The following ATAD2 variants were observed in gnomAD, a reference collection of about 807,000 sequenced individuals.
The protein encoded by ATAD2 is ATPase family AAA domain-containing protein 2.
ATAD2 carries 62 observed loss-of-function variants against 168.9 expected under a neutral mutation model. The ratio of observed to expected loss-of-function variants is 0.37; its 90% confidence interval spans 0.30 to 0.45. ATAD2 has a LOEUF of 0.45. ATAD2 is among the 20% of genes least tolerant of loss of function. The pLI is 1.00. For missense variants in ATAD2, 1,419 were observed against 1,667.8 expected, an observed-to-expected ratio of 0.85 and a Z score of 2.60; for synonymous variants, 613 against 571.6, an observed-to-expected ratio of 1.07 and a Z score of -1.03.
intron 1 of ATAD2, among the ~76,000 whole-genome samples, chr8:123,408,286 C>T (rs1266565355): frequency 6.6e-6 from 1 of 152,204 alleles, no homozygotes; most frequent in Non-Finnish European, 1.5e-5. Flanking sequence ...AGGGCCCAGC[C>T]TCCTTCTGTG....
At chr8:123,379,761 G>A (rs1027274826) in intron 2 of ATAD2, among the ~76,000 whole-genome samples, 1 of 151,050 alleles carries the variant, frequency 6.6e-6, no homozygotes, top group Non-Finnish European at 1.5e-5. Context: ...GTAGAGATGG[G>A]GTTTCACCAT....
intron 1 of ATAD2, among the ~76,000 whole-genome samples, chr8:123,383,714 G>C (rs983447889): frequency 6.7e-6 from 1 of 150,180 alleles, no homozygotes; most frequent in Admixed American, 6.6e-5. Context: ...CGGAGGTTGC[G>C]GTGAGCCGGG....
chr8:123,337,593 G>C (rs754001739), intron 21 of ATAD2, 32 bp downstream of exon 21: 3 of 1,543,378 alleles, frequency 1.9e-6, no homozygotes, highest in Non-Finnish European at 2.6e-6. Context: ...TTATGGCCTA[G>C]AATACACTTG....
Position 123,396,341 on chromosome 8 carries a change from C to G in ATAD2, c.17G>C (p.Ser6Thr). 1.3e-6 allele frequency: 2 copies of G among 1,597,246 alleles called. No individual in the cohort carries two copies. The highest frequency in any genetic ancestry group is 1.7e-6 in the Non-Finnish European group (2 of 1,173,500). Residue 6 changes from serine (S) to threonine (T), a missense_variant, in exon 1 of 28, where the codon AGC (serine) becomes ACC (threonine). Transcript: ENST00000287394. MVVLRSSLELHNHSAA... is the reference protein window; with the variant it reads MVVLRTSLELHNHSAA... ...GGAGTGGTTGTGCAGCTCCAAGCTG[C>G]TGCGGAGAACCACCATCTTCTCTCC...
Position 123,359,319 on chromosome 8 carries a change from A to G in ATAD2, c.1284T>C (p.Val428=), listed in dbSNP as rs749938665. The change falls in exon 11 of 28, where the codon GTT becomes GTC. Residue 428 remains valine, a synonymous_variant. Transcript: ENST00000287394. The part of the protein sequence containing the change: ...QLDSSVRFDS[V]GGLSNHIAAL... ...CTGCTATATGATTAGACAGGCCACC[A>G]ACACTATCAAATCGTACCTGGTAAT... 4 of 1,607,688 alleles carry G rather than the reference A, an allele frequency of 2.5e-6. No individual in the cohort carries two copies. Among genetic ancestry groups the G allele is most frequent in the Non-Finnish European group, 3.4e-6 (4 of 1,177,352 alleles).
At chr8:123,329,025 T>C (rs1827695861) in intron 24 of ATAD2, among the ~76,000 whole-genome samples, 1 of 151,952 alleles carries the variant, frequency 6.6e-6, no homozygotes, top group Admixed American at 6.6e-5. Flanking sequence ...ATGGTCTCGA[T>C]CTCCTGACCT....
intron 2 of ATAD2, among the ~76,000 whole-genome samples, chr8:123,379,892 T>TA (rs1554646753): frequency 0.013 from 1,939 of 143,776 alleles, 16 homozygotes; most frequent in African/African-American, 0.021. Flanking sequence ...TTATTATTAT[T>TA]TTTTTTTTTT....
intron 24 of ATAD2, among the ~76,000 whole-genome samples, chr8:123,329,311 C>A (rs767408258): frequency 2.0e-5 from 3 of 152,088 alleles, no homozygotes; most frequent in Non-Finnish European, 4.4e-5. Flanking sequence ...TGGCTATACA[C>A]AAGCACAATC....
chr8:123,351,806 G>C (rs1281830801), intron 13 of ATAD2, among the ~76,000 whole-genome samples: 1 of 148,844 alleles, frequency 6.7e-6, no homozygotes, highest in Non-Finnish European at 1.5e-5. Flanking sequence ...GGAGTGCAGT[G>C]GCACGATCTC....
intron 1 of ATAD2, among the ~76,000 whole-genome samples, chr8:123,386,382 C>G (rs1321230480): frequency 6.6e-6 from 1 of 152,098 alleles, no homozygotes; most frequent in Non-Finnish European, 1.5e-5. Context: ...TGGATGAACT[C>G]TGAAGATATG....
At chr8:123,346,374 A>T in intron 17 of ATAD2, 102 bp from the exon 18 acceptor site, 1 of 1,177,060 alleles carries the variant, frequency 8.5e-7, no homozygotes, top group Non-Finnish European at 1.2e-6. Context: ...AGTCTTGCCA[A>T]TAAGGCCAAC....
Position 123,346,697 on chromosome 8 carries a change from G to A in ATAD2, c.2266C>T (p.Pro756Ser), listed in dbSNP as rs570342822. 6 of 1,596,348 alleles carry A rather than the reference G, an allele frequency of 3.8e-6. No individual in the cohort carries two copies. The Admixed American group carries it at 8.8e-5, about 23-fold the overall frequency. Reference sequence around the variant, plus strand: ...GAAAGTCCATTTTCATAAACTGATGGAACATCATCATCACTGTAAGCCAAG... The same window carrying A: ...GAAAGTCCATTTTCATAAACTGATGAAACATCATCATCACTGTAAGCCAAG... The part of the protein sequence containing the change: ...SDLAYSDDDV[P>S]SVYENGLSQK... Residue 756 changes from proline (P) to serine (S), a missense_variant, in exon 17 of 28, where the codon CCA (proline) becomes TCA (serine). Pro to Ser is a moderately conservative substitution (Grantham distance 74, BLOSUM62 -1). Around this residue, in one of 5 missense-constraint regions of ATAD2, gnomAD observed 545 missense variants for 724.9 expected, o/e 0.75. Coordinates refer to ENST00000287394, the MANE Select transcript of ATAD2 (RefSeq NM_014109.4).
intron 27 of ATAD2, among the ~76,000 whole-genome samples, chr8:123,322,307 T>C (rs538760830): frequency 1.3e-5 from 2 of 152,334 alleles, no homozygotes; most frequent in Admixed American, 1.3e-4. Flanking sequence ...TAAAAGAAGC[T>C]ATTATTCTTC....
intron 1 of ATAD2, among the ~76,000 whole-genome samples, chr8:123,389,197 C>A (rs1050444198): frequency 3.0e-5 from 4 of 135,452 alleles, no homozygotes; most frequent in Admixed American, 2.3e-4. Context: ...AGGATGGTCT[C>A]GATCTCCTGA....
At chr8:123,382,047 A>T (rs1829508264) in intron 1 of ATAD2, among the ~76,000 whole-genome samples, 1 of 152,064 alleles carries the variant, frequency 6.6e-6, no homozygotes, top group African/African-American at 2.4e-5. Flanking sequence ...CTCCATCACA[A>T]ACAAACAAAC....
At chr8:123,333,286 T>C (rs925876874) in intron 24 of ATAD2, among the ~76,000 whole-genome samples, 3 of 120,552 alleles carry the variant, frequency 2.5e-5, no homozygotes, top group Non-Finnish European at 5.0e-5. Flanking sequence ...GGCGGGTGCC[T>C]ATAGTCCCAG....
chr8:123,390,810 T>A (rs1194133879), intron 1 of ATAD2, among the ~76,000 whole-genome samples: 1 of 152,128 alleles, frequency 6.6e-6, no homozygotes, highest in Non-Finnish European at 1.5e-5. Context: ...GGCAGGTGGA[T>A]CACCTGAGGT....
intron 2 of ATAD2, among the ~76,000 whole-genome samples, chr8:123,378,990 G>A (rs569101534): frequency 1.3e-5 from 2 of 151,900 alleles, no homozygotes; most frequent in Non-Finnish European, 1.5e-5. Context: ...TAGAGAGAGG[G>A]TCTCGTTATG....
At chr8:123,330,939 T>A (rs1827759456) in intron 24 of ATAD2, among the ~76,000 whole-genome samples, 1 of 152,214 alleles carries the variant, frequency 6.6e-6, no homozygotes, top group South Asian at 2.1e-4. Flanking sequence ...TTTCTTTATT[T>A]TTTGAGACAG....
Sources: allele counts gnomAD v4.1 joint callset (sites outside exome capture counted in the v4.1 genomes callset), GRCh38; gene constraint gnomAD v4.1.1; regional missense constraint gnomAD v4.1.1; transcripts MANE v1.5; gene names NCBI Gene and HGNC (gene_info 2026-07-23, HGNC 2026-07-21).